ACTMAP: variants seen among roughly 807,000 people sequenced by gnomAD.
ACTMAP encodes actin maturation protease.
the ACTMAP span, chr19:40,743,890 G>A: frequency 6.2e-7 from 1 of 1,613,752 alleles, no homozygotes; most frequent in Non-Finnish European, 8.5e-7. Context: ...TGCAGACAAA[G>A]GAGGGGGAAC....
chr19:40,742,794 A>G, the ACTMAP span: 3 of 1,583,386 alleles, frequency 1.9e-6, no homozygotes, highest in Non-Finnish European at 2.6e-6. Flanking sequence ...GAAGGTGGTG[A>G]GTGGCAGTGA....
the ACTMAP span, chr19:40,749,854 A>C: frequency 4.7e-5 from 58 of 1,229,280 alleles, no homozygotes; most frequent in Non-Finnish European, 5.8e-5. Flanking sequence ...GGAGGGAAGG[A>C]TCCTCCAACG....
chr19:40,743,844 G>A, the ACTMAP span: 11 of 1,581,792 alleles, frequency 7.0e-6, no homozygotes, highest in Admixed American at 1.3e-4. Flanking sequence ...AATGTCAGGA[G>A]GATTAATGGA....
At chr19:40,748,822 C>G in the ACTMAP span, among the ~76,000 whole-genome samples, 1 of 152,132 alleles carries the variant, frequency 6.6e-6, no homozygotes, top group Admixed American at 6.6e-5. Context: ...ACGACTTGCT[C>G]AACAGCACTC....
chr19:40,742,169 GTGAGA>G, the ACTMAP span: 1 of 648,386 alleles, frequency 1.5e-6, no homozygotes, highest in Non-Finnish European at 2.9e-6. Flanking sequence ...CAAATGTCTA[GTGAGA>G]TGACAGAGGC....
chr19:40,741,329 G>C, the ACTMAP span: 1 of 219,344 alleles, frequency 4.6e-6, no homozygotes, highest in Admixed American at 5.5e-5. Context: ...TGTAATCCCA[G>C]TTACTTGGGG....
chr19:40,747,574 G>T, the ACTMAP span, among the ~76,000 whole-genome samples: 1 of 152,092 alleles, frequency 6.6e-6, no homozygotes. Context: ...ATGGAGCCAG[G>T]CTGGGTGCGG....
chr19:40,743,878 G>T, the ACTMAP span: 3 of 1,611,250 alleles, frequency 1.9e-6, no homozygotes, highest in Non-Finnish European at 1.7e-6. Flanking sequence ...CAGGTTGAGG[G>T]GTGCAGACAA....
the ACTMAP span, chr19:40,744,553 G>A: frequency 6.2e-7 from 1 of 1,613,196 alleles, no homozygotes; most frequent in South Asian, 1.1e-5. Flanking sequence ...CAGTCACCCA[G>A]CTCACCTGAG....
At chr19:40,749,433 AG>A in the ACTMAP span, 1 of 1,374,416 alleles carries the variant, frequency 7.3e-7, no homozygotes, top group South Asian at 1.3e-5. Context: ...AGATCTGTGA[AG>A]TGTCTAGGGC....
chr19:40,749,577 T>C, the ACTMAP span: 2 of 1,551,210 alleles, frequency 1.3e-6, no homozygotes, highest in South Asian at 2.4e-5. Context: ...CTGGCTCTTC[T>C]CCAGGCCGAA....
the ACTMAP span, chr19:40,742,538 G>T: frequency 6.3e-7 from 1 of 1,582,090 alleles, no homozygotes; most frequent in East Asian, 2.3e-5. Context: ...TGGCCCGTGA[G>T]GGCGAGAAGT....
At chr19:40,745,736 G>A in the ACTMAP span, among the ~76,000 whole-genome samples, 8 of 152,166 alleles carry the variant, frequency 5.3e-5, no homozygotes, top group Non-Finnish European at 1.0e-4. Flanking sequence ...GCAACAGCGC[G>A]ATCTCAGCTC....
At chr19:40,749,909 G>T in the ACTMAP span, 2 of 940,170 alleles carry the variant, frequency 2.1e-6, no homozygotes, top group Non-Finnish European at 3.0e-6. Flanking sequence ...TAAGAGCTGA[G>T]TTCCAGAATC....
chr19:40,742,044 G>A, the ACTMAP span: 34 of 477,220 alleles, frequency 7.1e-5, 1 homozygote, highest in South Asian at 5.3e-4. Flanking sequence ...AGGCCAGTAT[G>A]ACTAGTAGGT....
the ACTMAP span, chr19:40,749,345 G>T: frequency 1.1e-6 from 1 of 882,304 alleles, no homozygotes; most frequent in Non-Finnish European, 1.7e-6. Context: ...ACACCACCAT[G>T]GAAGAGATCT....
At chr19:40,749,044 G>GA in the ACTMAP span, among the ~76,000 whole-genome samples, 1 of 145,090 alleles carries the variant, frequency 6.9e-6, no homozygotes, top group African/African-American at 2.6e-5. Context: ...AGGCTGGAGT[G>GA]CAGTGGCGCA....
the ACTMAP span, chr19:40,745,010 T>A: frequency 1.6e-6 from 2 of 1,249,636 alleles, no homozygotes; most frequent in Non-Finnish European, 2.3e-6. Flanking sequence ...CCCCCTTTCC[T>A]TCCCTCCTCC....
chr19:40,742,399 C>T, the ACTMAP span: 34 of 1,443,612 alleles, frequency 2.4e-5, no homozygotes, highest in Admixed American at 2.5e-4. Context: ...AAATGGTTAC[C>T]GAGCTAGGCT....
Sources: allele counts gnomAD v4.1 joint callset (sites outside exome capture counted in the v4.1 genomes callset), GRCh38; gene constraint gnomAD v4.1.1; transcripts MANE v1.5; gene names NCBI Gene and HGNC (gene_info 2026-07-23, HGNC 2026-07-21).